Variants in OCIAD2 observed in about 807,000 individuals in gnomAD.
The protein encoded by OCIAD2 is OCIA domain-containing protein 2.
In OCIAD2, 29 loss-of-function variants were observed where a neutral mutation model predicts 22.9. The observed-to-expected ratio is 1.27, with a 90% CI of 0.94 to 1.73. The LOEUF (loss-of-function observed/expected upper bound fraction) is 1.73. Ranked by LOEUF, OCIAD2 falls within the 40% of genes most tolerant of loss-of-function variation. OCIAD2 has a pLI of 0.00. For synonymous variants in OCIAD2, 67 were observed against 60.2 expected (o/e 1.11, Z -0.52); for missense variants, 189 against 180.3 (o/e 1.05, Z -0.28).
intron 4 of OCIAD2, among the ~76,000 whole-genome samples, chr4:48,895,662 G>A (rs1361065265): frequency 2.6e-5 from 4 of 152,312 alleles, no homozygotes; most frequent in South Asian, 4.1e-4. Flanking sequence ...TTCACCCTGA[G>A]TTTTGAAGGA....
At chr4:48,893,554 G>A (rs1299335248) in intron 5 of OCIAD2, 1 of 152,438 alleles carries the variant, frequency 6.6e-6, no homozygotes, top group East Asian at 1.9e-4. Flanking sequence ...AGACTGGCCA[G>A]GGCAAAAGAA....
At chr4:48,888,649 C>T (rs930218565) in intron 6 of OCIAD2, among the ~76,000 whole-genome samples, 11 of 152,140 alleles carry the variant, frequency 7.2e-5, no homozygotes, top group Admixed American at 2.0e-4. Context: ...TATTGATTTG[C>T]GTATGTTCAA....
Position 48,904,657 on chromosome 4 carries a change from C to T in OCIAD2, c.-62-46G>A, listed in dbSNP as rs553648706. The T allele has an allele frequency of 2.5e-5, 26 of 1,038,332 alleles. No homozygotes were observed. In the African/African-American group the frequency reaches 3.6e-4, roughly 14 times the overall value. The allele number at this position is 1,038,332 out of a possible 1,614,324, so 64.3% of individuals were successfully genotyped here. On this transcript the variant is annotated intron_variant, in intron 1 of 6. Transcript: ENST00000508632. Reference sequence around the variant, plus strand: ...TCACTATGCCATGACTAAATGTTTGCATCAAGCTTAAAAGCATCCTGAGGA... The same window carrying T: ...TCACTATGCCATGACTAAATGTTTGTATCAAGCTTAAAAGCATCCTGAGGA...
intron 6 of OCIAD2, among the ~76,000 whole-genome samples, chr4:48,888,391 G>T (rs1381994454): frequency 6.6e-6 from 1 of 152,184 alleles, no homozygotes; most frequent in Non-Finnish European, 1.5e-5. Context: ...GGAGTGGTGA[G>T]AGAGGGCATA....
intron 3 of OCIAD2, 72 bp downstream of exon 3, chr4:48,899,757 A>G (rs1579156892): frequency 2.9e-6 from 3 of 1,018,116 alleles, no homozygotes; most frequent in Non-Finnish European, 4.5e-6. Flanking sequence ...GCTCAAACGT[A>G]AGTCATTACC....
intron 4 of OCIAD2, among the ~76,000 whole-genome samples, chr4:48,896,615 A>G (rs1781306039): frequency 6.6e-6 from 1 of 151,938 alleles, no homozygotes; most frequent in South Asian, 2.1e-4. Flanking sequence ...CCAACAAAAC[A>G]AAACCCCAAG....
At chr4:48,893,772 A>G (rs1338036558) in intron 5 of OCIAD2, 3 of 277,826 alleles carry the variant, frequency 1.1e-5, no homozygotes, top group African/African-American at 6.6e-5. Context: ...AAGTCAATAC[A>G]GGCAGTTTAG....
intron 6 of OCIAD2, 50 bp from the exon 7 acceptor site, chr4:48,885,615 C>A: frequency 1.1e-6 from 1 of 920,712 alleles, no homozygotes; most frequent in Non-Finnish European, 1.8e-6. Context: ...ACACTGGAAG[C>A]CCTAGTCTTT....
chr4:48,903,793 C>T (rs1013806435), intron 2 of OCIAD2, among the ~76,000 whole-genome samples: 4 of 151,760 alleles, frequency 2.6e-5, no homozygotes, highest in African/African-American at 9.7e-5. Flanking sequence ...CTACAGGCAC[C>T]AGCCACCATG....
At position 48,899,924 on chromosome 4, in the gene OCIAD2, C is replaced by T. The variant is rs1263043800; in HGVS notation, c.68G>A (p.Ser23Asn). The T allele has an allele frequency of 6.2e-7, 1 of 1,611,622 alleles. No homozygotes were observed. Residue 23 changes from serine (S) to asparagine (N), a missense_variant and splice_region_variant, in exon 3 of 7, where the codon AGC (serine) becomes AAC (asparagine). Ser to Asn is a conservative substitution (Grantham distance 46, BLOSUM62 1). Transcript: ENST00000508632. ...TTTTGATTTTGGACAAAACAACAGG[C>T]TCTGTAAGGAAAGTTATATGGTGAG... ...DAHFPPPSKQ[S>N]LLFCPKSKLH...
intron 4 of OCIAD2, among the ~76,000 whole-genome samples, chr4:48,895,713 A>G (rs1303355754): frequency 6.6e-6 from 1 of 152,192 alleles, no homozygotes; most frequent in Non-Finnish European, 1.5e-5. Context: ...GTATTTTAAT[A>G]CTTATAAAAC....
At chr4:48,901,865 C>T (rs1309283595) in intron 2 of OCIAD2, among the ~76,000 whole-genome samples, 5 of 152,262 alleles carry the variant, frequency 3.3e-5, no homozygotes, top group South Asian at 2.1e-4. Context: ...ACCTCAGCCT[C>T]CTGAGTAGCT....
At chr4:48,890,313 TC>T (rs1015367700) in intron 6 of OCIAD2, among the ~76,000 whole-genome samples, 1 of 151,998 alleles carries the variant, frequency 6.6e-6, no homozygotes, top group Admixed American at 6.6e-5. Context: ...ATTTCACCCC[TC>T]AAAGAGCCAA....
chr4:48,893,012 ACTCTGAGAATGAAGT>A (rs752380070), intron 5 of OCIAD2, 123 bp from the exon 6 acceptor site: 95 of 593,088 alleles, frequency 1.6e-4, no homozygotes, highest in Non-Finnish European at 2.6e-4. Context: ...ATGAATGAAG[ACTCTGAGAATGAAGT>A]CTCTATTTAA....
chr4:48,894,600 A>C (rs1272876335), intron 4 of OCIAD2, among the ~76,000 whole-genome samples: 1 of 152,230 alleles, frequency 6.6e-6, no homozygotes, highest in Non-Finnish European at 1.5e-5. Flanking sequence ...GTAGAAAAAT[A>C]ATATGAAAAA....
Position 48,892,832 on chromosome 4 carries a change from C to T in OCIAD2, c.323G>A (p.Ser108Asn). Residue 108 changes from serine to asparagine, a missense_variant, in exon 6 of 7, where the codon AGT becomes AAT. Transcript: ENST00000508632. ...GKVSYIGVCQ[S>N]KFHFFEDQLR... ...CTGATCTTCAAAAAAATGGAATTTA[C>T]TCTGGCATACTCCTATGTATGATAC... 5 of 1,613,094 alleles carry T rather than the reference C, an allele frequency of 3.1e-6. No homozygotes were observed. Among genetic ancestry groups the T allele is most frequent in the East Asian group, 4.5e-5 (2 of 44,850 alleles).
At chr4:48,888,585 T>G (rs1303790159) in intron 6 of OCIAD2, among the ~76,000 whole-genome samples, 21 of 152,208 alleles carry the variant, frequency 1.4e-4, no homozygotes, top group Middle Eastern at 3.2e-3. Context: ...CTGCATCTAT[T>G]GAGATAATCA....
Position 48,892,898 on chromosome 4 carries a change from G to C in OCIAD2, c.266-9C>G, listed in dbSNP as rs765529789. ...TCCCAAGAGACCAGCAACTGTAAAAGCAGGTTGGGAGAGATTAGTTGAGAA... is the reference window on the plus strand; with the variant it reads ...TCCCAAGAGACCAGCAACTGTAAAACCAGGTTGGGAGAGATTAGTTGAGAA... On this transcript the variant is annotated splice_polypyrimidine_tract_variant and intron_variant, in intron 5 of 6. Coordinates refer to ENST00000508632, the MANE Select transcript of OCIAD2 (RefSeq NM_001014446.3). The C allele has an allele frequency of 2.0e-6, 3 of 1,467,738 alleles. No homozygotes were observed. Among genetic ancestry groups the C allele is most frequent in the Non-Finnish European group, 2.8e-6 (3 of 1,053,430 alleles). The allele number at this position is 1,467,738 out of a possible 1,614,324, so 90.9% of individuals were successfully genotyped here. A position where few individuals can be genotyped will look rare whatever the true frequency, so the allele number is the denominator to read the frequency against.
Position 48,904,567 on chromosome 4 carries a change from T to A in OCIAD2, c.-18A>T. 6.2e-7 allele frequency: 1 copy of A among 1,613,266 alleles called. No individual in the cohort carries two copies. The highest frequency in any genetic ancestry group is 1.1e-5 in the South Asian group (1 of 91,072). On this transcript the variant is annotated 5_prime_UTR_variant, in exon 2 of 7. Coordinates refer to ENST00000508632, the MANE Select transcript of OCIAD2 (RefSeq NM_001014446.3). ...GAAGCCATGATGACTTTGTGCTTGC[T>A]CTCCTTCCAGTTGTTTATCCTCTGC...
Sources: allele counts gnomAD v4.1 joint callset (sites outside exome capture counted in the v4.1 genomes callset), GRCh38; gene constraint gnomAD v4.1.1; transcripts MANE v1.5; gene names NCBI Gene and HGNC (gene_info 2026-07-23, HGNC 2026-07-21).